MLLT3: variants seen among roughly 807,000 people sequenced by gnomAD.
The protein encoded by MLLT3 is protein AF-9.
A neutral mutation model predicts 53.2 loss-of-function variants in MLLT3; 4 were observed. The observed-to-expected ratio is 0.08, with a 90% CI of 0.04 to 0.17. MLLT3 has a LOEUF of 0.17. Among genes scored for constraint, MLLT3 ranks in the 10% least tolerant of loss-of-function variants. MLLT3 has a pLI of 1.00. For missense variants in MLLT3, 569 were observed against 684.0 expected (o/e 0.83, Z 1.87); for synonymous variants, 283 against 230.6 (o/e 1.23, Z -2.06).
chr9:20,419,276 C>A (rs979652412), intron 4 of MLLT3, among the ~76,000 whole-genome samples: 2 of 151,984 alleles, frequency 1.3e-5, no homozygotes, highest in Non-Finnish European at 2.9e-5. Flanking sequence ...TCGATGCTAA[C>A]TGGCAGTATA....
At chr9:20,505,955 T>C (rs1825370644) in intron 2 of MLLT3, among the ~76,000 whole-genome samples, 1 of 152,220 alleles carries the variant, frequency 6.6e-6, no homozygotes, top group Non-Finnish European at 1.5e-5. Context: ...CAACTTTACA[T>C]TCCCAAAGAT....
chr9:20,396,552 C>T (rs1822326243), intron 5 of MLLT3, among the ~76,000 whole-genome samples: 1 of 152,062 alleles, frequency 6.6e-6, no homozygotes, highest in Admixed American at 6.6e-5. Context: ...GTTTATAAAA[C>T]ACAGTTTGTG....
At chr9:20,430,216 G>T (rs545360496) in intron 4 of MLLT3, among the ~76,000 whole-genome samples, 84 of 152,182 alleles carry the variant, frequency 5.5e-4, no homozygotes, top group African/African-American at 1.8e-3. Context: ...AACTCATTGA[G>T]AAACTAGGTT....
intron 2 of MLLT3, among the ~76,000 whole-genome samples, chr9:20,458,471 T>A (rs960128986): frequency 6.6e-6 from 1 of 152,144 alleles, no homozygotes; most frequent in African/African-American, 2.4e-5. Context: ...CTAAACAAGG[T>A]GACCGTTACG....
At chr9:20,618,015 G>A (rs1024453777) in intron 2 of MLLT3, among the ~76,000 whole-genome samples, 6 of 152,038 alleles carry the variant, frequency 3.9e-5, no homozygotes, top group Non-Finnish European at 8.8e-5. Context: ...TTTCATCTTT[G>A]TGGCTGAGCA....
chr9:20,471,210 G>A (rs891398763), intron 2 of MLLT3, among the ~76,000 whole-genome samples: 3 of 151,922 alleles, frequency 2.0e-5, no homozygotes, highest in Non-Finnish European at 4.4e-5. Context: ...ATGCTTATAT[G>A]AAAAGTATTT....
rs896773812 is a variant in MLLT3, at chr9:20,415,352, T to G, written c.421-927A>C. 8.4e-6 allele frequency: 4 copies of G among 477,308 alleles called. No homozygotes were observed. The African/African-American group carries it at 8.4e-5, about 10-fold the overall frequency. 29.6% of individuals were successfully genotyped at this position (477,308 alleles called of 1,614,324 possible). On this transcript the variant is annotated intron_variant, in intron 4 of 10. Coordinates refer to ENST00000380338, the MANE Select transcript of MLLT3 (RefSeq NM_004529.4). Reference sequence around the variant, plus strand: ...CCTATTTCATTTTAAATATGATCAATTTTTCCACTCATATAAACATATCAG... The same window carrying G: ...CCTATTTCATTTTAAATATGATCAAGTTTTCCACTCATATAAACATATCAG...
intron 2 of MLLT3, among the ~76,000 whole-genome samples, chr9:20,550,116 T>G (rs1409512885): frequency 6.6e-6 from 1 of 152,124 alleles, no homozygotes; most frequent in East Asian, 1.9e-4. Flanking sequence ...ATTCAAAAAC[T>G]CACAATCCCA....
At chr9:20,478,875 A>T (rs923993369) in intron 2 of MLLT3, among the ~76,000 whole-genome samples, 1 of 152,140 alleles carries the variant, frequency 6.6e-6, no homozygotes, top group African/African-American at 2.4e-5. Context: ...ACTTCAGCAG[A>T]GGTGAAGTTC....
Position 20,343,584 on chromosome 9 carries a change from G to C in MLLT3, c.*2859C>G, listed in dbSNP as rs937026686. The C allele has an allele frequency of 5.7e-5, 13 of 229,674 alleles. No homozygotes were observed. The highest frequency in any genetic ancestry group is 1.3e-3 in the Middle Eastern group (1 of 758). The allele number at this position is 229,674 out of a possible 1,614,324, so 14.2% of individuals were successfully genotyped here. On this transcript the variant is annotated 3_prime_UTR_variant, in exon 11 of 11. Transcript: ENST00000380338. ...CAGAGGCAAAAGCTAAGTTATAAGG[G>C]GGCAGAGGGGCAGGAGCTCTGTACA...
intron 5 of MLLT3, among the ~76,000 whole-genome samples, chr9:20,392,623 T>G (rs566311863): frequency 6.6e-6 from 1 of 152,310 alleles, no homozygotes; most frequent in Admixed American, 6.5e-5. Flanking sequence ...ATGAGAATTT[T>G]TTTCTTATAA....
At chr9:20,405,093 T>C (rs1822548450) in intron 5 of MLLT3, among the ~76,000 whole-genome samples, 1 of 152,192 alleles carries the variant, frequency 6.6e-6, no homozygotes, top group Non-Finnish European at 1.5e-5. Flanking sequence ...GCCATGTCCT[T>C]GGCCCTAGAA....
intron 2 of MLLT3, among the ~76,000 whole-genome samples, chr9:20,561,033 A>G (rs1451448100): frequency 3.9e-5 from 6 of 152,218 alleles, no homozygotes; most frequent in Non-Finnish European, 8.8e-5. Context: ...GTTAAATGTT[A>G]TAACTGAAAA....
At chr9:20,548,981 A>C (rs1248904559) in intron 2 of MLLT3, among the ~76,000 whole-genome samples, 2 of 152,008 alleles carry the variant, frequency 1.3e-5, no homozygotes, top group African/African-American at 4.8e-5. Flanking sequence ...TACCCGGCTA[A>C]TTTTAGTATT....
chr9:20,457,810 G>C (rs1292394060), intron 2 of MLLT3, among the ~76,000 whole-genome samples: 2 of 152,094 alleles, frequency 1.3e-5, no homozygotes, highest in Admixed American at 1.3e-4. Flanking sequence ...AAGCCAAACA[G>C]GATTTCATTC....
intron 2 of MLLT3, among the ~76,000 whole-genome samples, chr9:20,600,359 C>T (rs1231438940): frequency 1.3e-5 from 2 of 152,192 alleles, no homozygotes; most frequent in Non-Finnish European, 2.9e-5. Context: ...TCCATGTTTA[C>T]TGCAGTGCCT....
chr9:20,507,323 A>C lies in MLLT3; in HGVS notation c.194-50537T>G, dbSNP rs1377023882. On this transcript the variant is annotated intron_variant, in intron 2 of 10. Transcript: ENST00000380338. ...TCTACTTCTTACTTACAAGGCACCA[A>C]AAGAAAATCAGTGTCTGGGGAAGAG... Among the ~76,000 whole-genome samples the C allele has an allele frequency of 2.6e-5, 4 of 152,310 alleles. No homozygotes were observed. The East Asian group carries it at 5.8e-4, about 22-fold the overall frequency.
intron 10 of MLLT3, among the ~76,000 whole-genome samples, chr9:20,346,867 G>C (rs1820884012): frequency 6.6e-6 from 1 of 151,924 alleles, no homozygotes; most frequent in Non-Finnish European, 1.5e-5. Context: ...AGCAGTTAGG[G>C]GGAGATAGCA....
intron 5 of MLLT3, among the ~76,000 whole-genome samples, chr9:20,386,257 G>T (rs551157294): frequency 6.6e-6 from 1 of 152,268 alleles, no homozygotes; most frequent in African/African-American, 2.4e-5. Context: ...GGCAAGTGTT[G>T]TTCTGTGCCT....
Sources: gnomAD v4.1 joint callset for allele counts (sites outside exome capture counted in the v4.1 genomes callset) on GRCh38, gnomAD v4.1.1 for gene constraint, MANE v1.5 for transcripts, NCBI Gene and HGNC (gene_info 2026-07-23, HGNC 2026-07-21) for gene names.